MYLK: variants seen among roughly 807,000 people sequenced by gnomAD.
MYLK encodes the protein myosin light chain kinase.
MYLK carries 106 observed loss-of-function variants against 203.4 expected under a neutral mutation model. The observed-to-expected ratio is 0.52, with a 90% CI of 0.45 to 0.61. The LOEUF (loss-of-function observed/expected upper bound fraction) is 0.61, where lower values mean the gene tolerates loss of function less well. MYLK is among the 20% of genes least tolerant of loss of function. The probability of loss-of-function intolerance (pLI) is 0.00; values close to 1 mark genes in which losing one functional copy is unlikely to be tolerated. For synonymous variants in MYLK, 867 were observed against 959.5 expected (o/e 0.90, Z 1.78); for missense variants, 2,072 against 2,442.3 (o/e 0.85, Z 3.20).
At chr3:123,747,041 A>C (rs574963612) in intron 5 of MYLK, among the ~76,000 whole-genome samples, 1 of 152,346 alleles carries the variant, frequency 6.6e-6, no homozygotes, top group East Asian at 1.9e-4. Context: ...GTATAAATAG[A>C]CACGGCCTAA....
At chr3:123,706,735 C>T (rs566051247) in intron 16 of MYLK, among the ~76,000 whole-genome samples, 11 of 140,664 alleles carry the variant, frequency 7.8e-5, no homozygotes, top group Middle Eastern at 7.0e-3. Context: ...GGAAATGTAG[C>T]AGTGTGCCTC....
At chr3:123,731,297 T>C (rs1270496699) in intron 11 of MYLK, among the ~76,000 whole-genome samples, 1 of 152,194 alleles carries the variant, frequency 6.6e-6, no homozygotes, top group Non-Finnish European at 1.5e-5. Flanking sequence ...CAGTATACAG[T>C]GAAAAGTAAG....
chr3:123,652,627 G>A (rs928109819), intron 24 of MYLK, among the ~76,000 whole-genome samples: 1 of 152,226 alleles, frequency 6.6e-6, no homozygotes, highest in Non-Finnish European at 1.5e-5. Flanking sequence ...GAACTGTCCT[G>A]GGGGTTGCAA....
chr3:123,796,468 G>A (rs62262910), intron 3 of MYLK, among the ~76,000 whole-genome samples: 4,492 of 152,286 alleles, frequency 0.029, 107 homozygotes, highest in South Asian at 0.066. Context: ...GAAAAGTTGA[G>A]AGCCGCTACC....
intron 20 of MYLK, among the ~76,000 whole-genome samples, chr3:123,675,528 C>T (rs1238861614): frequency 2.0e-5 from 3 of 152,172 alleles, no homozygotes; most frequent in South Asian, 2.1e-4. Flanking sequence ...GTGGGTCTCA[C>T]GGAGTCAAAA....
Position 123,708,001 on chromosome 3 carries a change from G to A in MYLK, c.2143C>T (p.Pro715Ser). The A allele has an allele frequency of 6.2e-7, 1 of 1,614,062 alleles. No individual in the cohort carries two copies. Among genetic ancestry groups the A allele is most frequent in the South Asian group, 1.1e-5 (1 of 91,048 alleles). Residue 715 changes from proline (P) to serine (S), a missense_variant and splice_region_variant, in exon 16 of 34, where the codon CCT becomes TCT. Transcript: ENST00000360304. ...RTQAVLTVQE[P>S]HDGTQPWFIS... ...AACCAGGGCTGGGTGCCATCGTGAG[G>A]CTCTGGAAATTGGCAAAGGGCAGAG...
intron 5 of MYLK, among the ~76,000 whole-genome samples, chr3:123,746,991 C>A (rs1272584060): frequency 2.0e-5 from 3 of 152,166 alleles, no homozygotes; most frequent in African/African-American, 7.2e-5. Context: ...AGAACCATGA[C>A]AAACATCCAG....
At chr3:123,726,113 A>G in intron 11 of MYLK, 35 bp from the exon 12 acceptor site, 1 of 1,613,244 alleles carries the variant, frequency 6.2e-7, no homozygotes, top group Non-Finnish European at 8.5e-7. Context: ...CTCAGATCAC[A>G]GCTTGCCCAC....
At chr3:123,623,901 G>A (rs1427149381) in intron 31 of MYLK, 1 of 151,952 alleles carries the variant, frequency 6.6e-6, no homozygotes, top group Non-Finnish European at 1.5e-5. Flanking sequence ...GCAATTTTGT[G>A]GAAAAATCAT....
At position 123,638,094 on chromosome 3, in the gene MYLK, G is replaced by A; in HGVS notation, c.4938C>T (p.Ser1646=). Residue 1646 remains serine, a synonymous_variant, in exon 29 of 34, where the codon AGC becomes AGT. Transcript: ENST00000360304. ...ACAGGATGTAGCAGATGACCCCGATGCTCCACATGTCTGTGGCGTAGCCGA... is the reference window on the plus strand; with the variant it reads ...ACAGGATGTAGCAGATGACCCCGATACTCCACATGTCTGTGGCGTAGCCGA... ...EPIGYATDMW[S]IGVICYILVS... is the part of the protein sequence containing the mutation. The A allele has an allele frequency of 6.2e-7, 1 of 1,614,112 alleles. No individual in the cohort carries two copies. The highest frequency in any genetic ancestry group is 8.5e-7 in the Non-Finnish European group (1 of 1,180,026).
At chr3:123,692,261 CAG>C in intron 19 of MYLK, 1 of 1,074,542 alleles carries the variant, frequency 9.3e-7, no homozygotes, top group Non-Finnish European at 1.1e-6. Context: ...CCTCTCTGTC[CAG>C]AGACTCAGCC....
chr3:123,709,477 G>C (rs1187139186), intron 14 of MYLK: 9 of 424,766 alleles, frequency 2.1e-5, no homozygotes, highest in Middle Eastern at 1.5e-3. Flanking sequence ...AAACCTTCCA[G>C]CTACACTGGC....
chr3:123,700,884 C>T lies in MYLK; in HGVS notation c.2584G>A (p.Glu862Lys). 6.2e-7 allele frequency: 1 copy of T among 1,613,150 alleles called. No individual in the cohort carries two copies. The highest frequency in any genetic ancestry group is 8.5e-7 in the Non-Finnish European group (1 of 1,180,030). ...GWPARGQGWL[E>K]EEDGEDVRGV... ...CGCACGTCCTCGCCGTCTTCCTCCT[C>T]TAGCCAACCCTGCCCTCTTGCTGGC... Residue 862 changes from glutamate to lysine, a missense_variant, in exon 18 of 34, where the codon GAG becomes AAG. Glu to Lys is a moderately conservative substitution (Grantham distance 56). This residue lies in a region of MYLK where 865 missense variants were observed against 1,016.0 expected (regional missense o/e 0.85). Coordinates refer to ENST00000360304, the MANE Select transcript of MYLK (RefSeq NM_053025.4).
intron 2 of MYLK, among the ~76,000 whole-genome samples, chr3:123,837,820 C>A (rs951139475): frequency 2.6e-5 from 4 of 151,474 alleles, no homozygotes; most frequent in African/African-American, 9.7e-5. Context: ...ACTGGGGAAA[C>A]AAAATCAGTG....
At chr3:123,676,153 G>C (rs1436295436) in intron 20 of MYLK, among the ~76,000 whole-genome samples, 1 of 152,246 alleles carries the variant, frequency 6.6e-6, no homozygotes, top group East Asian at 1.9e-4. Context: ...CTGGCTTATG[G>C]GAGACACTGG....
chr3:123,668,238 A>G (rs2059802537), intron 20 of MYLK, among the ~76,000 whole-genome samples: 1 of 152,246 alleles, frequency 6.6e-6, no homozygotes. Context: ...AAATATCTGT[A>G]TGCGAATATT....
intron 11 of MYLK, among the ~76,000 whole-genome samples, chr3:123,731,007 T>C (rs1455799484): frequency 6.6e-6 from 1 of 152,146 alleles, no homozygotes; most frequent in African/African-American, 2.4e-5. Flanking sequence ...CTAAAAATAG[T>C]CTTCTGTGAG....
intron 4 of MYLK, among the ~76,000 whole-genome samples, chr3:123,767,709 G>A (rs2063750894): frequency 6.6e-6 from 1 of 152,234 alleles, no homozygotes; most frequent in Non-Finnish European, 1.5e-5. Context: ...CCAGGTCTGA[G>A]GAGTGGGGAA....
chr3:123,640,424 C>T lies in MYLK; in HGVS notation c.4700G>A (p.Arg1567Gln), dbSNP rs757766496. ...GTACTCCACTCCCTCCGAGATCTGCCGCATGTACTTGATGCACTCACGCTC... is the reference window on the plus strand; with the variant it reads ...GTACTCCACTCCCTCCGAGATCTGCTGCATGTACTTGATGCACTCACGCTC... ...LTERECIKYMRQISEGVEYIH... is the reference protein window; with the variant it reads ...LTERECIKYMQQISEGVEYIH... Residue 1567 changes from arginine to glutamine, a missense_variant, in exon 28 of 34, where the codon CGG becomes CAG. Coordinates refer to ENST00000360304, the MANE Select transcript of MYLK (RefSeq NM_053025.4). This position sits in a 1 kb window ranked among gnomAD's most constrained non-coding sequence, Gnocchi z 4.3. 32 of 1,613,922 alleles carry T rather than the reference C, an allele frequency of 2.0e-5. No individual in the cohort carries two copies. The East Asian group carries it at 2.9e-4, about 15-fold the overall frequency.
Sources: allele counts gnomAD v4.1 joint callset (sites outside exome capture counted in the v4.1 genomes callset), GRCh38; gene constraint gnomAD v4.1.1; regional missense constraint gnomAD v4.1.1; non-coding constraint Gnocchi (gnomAD v3.1); transcripts MANE v1.5; gene names NCBI Gene and HGNC (gene_info 2026-07-23, HGNC 2026-07-21).